The following GPR137C variants were observed in gnomAD, a reference collection of about 807,000 sequenced individuals.
GPR137C encodes the protein integral membrane protein GPR137C.
A neutral mutation model predicts 43.4 loss-of-function variants in GPR137C; 27 were observed. That is an observed-to-expected ratio of 0.62 (90% confidence interval 0.46 to 0.86). The LOEUF is 0.86. Among genes scored for constraint, GPR137C ranks in the 40% least tolerant of loss-of-function variants. The probability of loss-of-function intolerance (pLI) is 0.00; values close to 1 mark genes in which losing one functional copy is unlikely to be tolerated. For missense variants in GPR137C, 522 were observed against 534.6 expected (o/e 0.98, Z 0.23); for synonymous variants, 285 against 226.9 (o/e 1.26, Z -2.30).
At chr14:52,614,819 T>C (rs2039080692) in intron 3 of GPR137C, among the ~76,000 whole-genome samples, 1 of 152,326 alleles carries the variant, frequency 6.6e-6, no homozygotes, top group Non-Finnish European at 1.5e-5. Context: ...TAAATTTTTT[T>C]TCCTATAGAG....
At chr14:52,628,179 A>T (rs2039251818) in intron 3 of GPR137C, among the ~76,000 whole-genome samples, 2 of 151,640 alleles carry the variant, frequency 1.3e-5, no homozygotes, top group Non-Finnish European at 2.9e-5. Context: ...GTAGAACAGA[A>T]TGAGAGCTTA....
chr14:52,564,337 A>G (rs1594780814), intron 1 of GPR137C, among the ~76,000 whole-genome samples: 2 of 151,728 alleles, frequency 1.3e-5, no homozygotes, highest in East Asian at 3.9e-4. Context: ...ACTCATTAGA[A>G]TAGAGAGAGT....
At chr14:52,605,309 C>T (rs1200542967) in intron 3 of GPR137C, among the ~76,000 whole-genome samples, 2 of 151,962 alleles carry the variant, frequency 1.3e-5, no homozygotes, top group Non-Finnish European at 2.9e-5. Flanking sequence ...TTTTTGGTAG[C>T]TCTTGTAAAT....
At chr14:52,632,535 G>C (rs2039307321) in intron 4 of GPR137C, among the ~76,000 whole-genome samples, 1 of 151,204 alleles carries the variant, frequency 6.6e-6, no homozygotes. Context: ...TCTCTTTTTT[G>C]GTAAATAATA....
At chr14:52,624,087 T>A (rs566675748) in intron 3 of GPR137C, among the ~76,000 whole-genome samples, 1 of 151,482 alleles carries the variant, frequency 6.6e-6, no homozygotes, top group East Asian at 1.9e-4. Context: ...CTAAAATCAG[T>A]TTTATTTCTA....
chr14:52,609,763 A>C (rs1243044043), intron 3 of GPR137C, among the ~76,000 whole-genome samples: 3 of 152,188 alleles, frequency 2.0e-5, no homozygotes, highest in Non-Finnish European at 4.4e-5. Flanking sequence ...CCAGGGACCC[A>C]AGTCCAGAAA....
chr14:52,587,250 GTAAA>G (rs1192581514), intron 1 of GPR137C, among the ~76,000 whole-genome samples: 1 of 152,118 alleles, frequency 6.6e-6, no homozygotes, highest in Non-Finnish European at 1.5e-5. Flanking sequence ...AAATAAATAT[GTAAA>G]TAAATGATAT....
intron 4 of GPR137C, 22 bp from the exon 5 acceptor site, chr14:52,633,508 C>G: frequency 6.2e-7 from 1 of 1,604,096 alleles, no homozygotes. Flanking sequence ...TGTAAAAATT[C>G]TCTGCCATGC....
rs2039351636 is a variant in GPR137C, at chr14:52,636,288, T to G, written c.*1173T>G. 6.6e-6 allele frequency: 1 copy of G among 152,040 alleles called. No individual in the cohort carries two copies. Among genetic ancestry groups the G allele is most frequent in the African/African-American group, 2.4e-5 (1 of 41,420 alleles). The allele number at this position is 152,040 out of a possible 1,614,324, so 9.4% of individuals were successfully genotyped here. A position where few individuals can be genotyped will look rare whatever the true frequency, so the allele number is the denominator to read the frequency against. Reference sequence around the variant, plus strand: ...AACAATATTGGAGTACTTTTAGAATTACATTAAAACTGTCTTAAATGTCCT... The same window carrying G: ...AACAATATTGGAGTACTTTTAGAATGACATTAAAACTGTCTTAAATGTCCT... On this transcript the variant is annotated 3_prime_UTR_variant, in exon 7 of 7. Coordinates refer to ENST00000321662, the MANE Select transcript of GPR137C (RefSeq NM_001099652.2).
intron 3 of GPR137C, among the ~76,000 whole-genome samples, chr14:52,621,910 T>A (rs1187751212): frequency 1.3e-5 from 2 of 151,768 alleles, no homozygotes; most frequent in African/African-American, 4.8e-5. Context: ...TTTATTAATT[T>A]ATTTAAAATA....
intron 3 of GPR137C, among the ~76,000 whole-genome samples, chr14:52,614,277 C>T (rs1260525667): frequency 1.3e-5 from 2 of 151,570 alleles, no homozygotes; most frequent in East Asian, 3.9e-4. Flanking sequence ...TGCACCACCA[C>T]ACCTGGCTAA....
rs202049025 is a variant in GPR137C at position 52,586,606 on chromosome 14, GCTTT to G, written c.445-11663_445-11660del. ...CCATCTCCCTTTTCTTTACTCTTGT[GCTTT>G]CTAATTGTGACTATTAAATGTGAAC... On this transcript the variant is annotated intron_variant, in intron 1 of 6. Transcript: ENST00000321662. Among the ~76,000 whole-genome samples, 1,490 of 152,100 alleles carry G rather than the reference GCTTT, an allele frequency of 9.8e-3. 14 individuals carry two copies. The highest frequency in any genetic ancestry group is 0.041 in the Middle Eastern group (12 of 294).
At chr14:52,553,869 G>A (rs1320829707) in intron 1 of GPR137C, among the ~76,000 whole-genome samples, 1 of 152,162 alleles carries the variant, frequency 6.6e-6, no homozygotes, top group African/African-American at 2.4e-5. Context: ...CCCTTTGTTC[G>A]GTGTTCTGGC....
intron 1 of GPR137C, among the ~76,000 whole-genome samples, chr14:52,584,324 G>T (rs1438565969): frequency 6.6e-6 from 1 of 152,188 alleles, no homozygotes; most frequent in Non-Finnish European, 1.5e-5. Flanking sequence ...GTTGAGGCAA[G>T]GGGAAACTTT....
At position 52,598,333 on chromosome 14, in the gene GPR137C, C is replaced by T. The variant is rs1233224767; in HGVS notation, c.488+18C>T. ...AGACACAAGTAAGTTTTATGAGTAT[C>T]TAAATTTCTATCTAAAAGATCTAAA... On this transcript the variant is annotated intron_variant, in intron 2 of 6. Coordinates refer to ENST00000321662, the MANE Select transcript of GPR137C (RefSeq NM_001099652.2). The T allele has an allele frequency of 2.7e-6, 3 of 1,111,160 alleles. No homozygotes were observed. Among genetic ancestry groups the T allele is most frequent in the Middle Eastern group, 2.0e-4 (1 of 4,892 alleles). 68.8% of individuals were successfully genotyped at this position (1,111,160 alleles called of 1,614,324 possible).
At chr14:52,628,244 A>G (rs2039252703) in intron 3 of GPR137C, among the ~76,000 whole-genome samples, 1 of 152,232 alleles carries the variant, frequency 6.6e-6, no homozygotes, top group African/African-American at 2.4e-5. Context: ...ATGGTAAAGC[A>G]ATCCAATACC....
intron 3 of GPR137C, chr14:52,612,226 A>C: frequency 4.1e-6 from 4 of 979,606 alleles, no homozygotes; most frequent in Non-Finnish European, 4.9e-6. Flanking sequence ...ACTGACACTT[A>C]ACTGTATTTG....
chr14:52,555,980 T>C (rs763247745), intron 1 of GPR137C, among the ~76,000 whole-genome samples: 12 of 152,204 alleles, frequency 7.9e-5, no homozygotes, highest in Non-Finnish European at 1.6e-4. Context: ...TAACTGCAAG[T>C]ATACTTCCCA....
chr14:52,584,842 C>G (rs1273605117), intron 1 of GPR137C, among the ~76,000 whole-genome samples: 1 of 152,138 alleles, frequency 6.6e-6, no homozygotes, highest in Non-Finnish European at 1.5e-5. Context: ...CCCAAGCAAT[C>G]CTCTTACCTC....
Sources: gnomAD v4.1 joint callset for allele counts (sites outside exome capture counted in the v4.1 genomes callset) on GRCh38, gnomAD v4.1.1 for gene constraint, MANE v1.5 for transcripts, NCBI Gene and HGNC (gene_info 2026-07-23, HGNC 2026-07-21) for gene names.